Variants in LRRC7 observed in about 807,000 individuals in gnomAD.
LRRC7 encodes leucine rich repeat containing 7, also known as leucine-rich repeat-containing protein 7.
A neutral mutation model predicts 175.7 loss-of-function variants in LRRC7; 23 were observed. The observed-to-expected ratio is 0.13, with a 90% CI of 0.09 to 0.19. The LOEUF (loss-of-function observed/expected upper bound fraction) is 0.19, where lower values mean the gene tolerates loss of function less well. Ranked by LOEUF, LRRC7 falls within the 10% of genes least tolerant of loss-of-function variation. LRRC7 has a pLI of 1.00. For missense variants in LRRC7, 1,354 were observed against 1,904.7 expected (o/e 0.71, Z 5.38); for synonymous variants, 685 against 680.9 (o/e 1.01, Z -0.09).
intron 1 of LRRC7, among the ~76,000 whole-genome samples, chr1:69,620,907 C>A (rs961153763): frequency 6.6e-6 from 1 of 152,104 alleles, no homozygotes; most frequent in African/African-American, 2.4e-5. Flanking sequence ...GTTTTGTTAT[C>A]CCTGTTTCAC....
intron 2 of LRRC7, among the ~76,000 whole-genome samples, chr1:69,693,189 C>A (rs566256931): frequency 1.3e-5 from 2 of 152,200 alleles, no homozygotes; most frequent in Admixed American, 6.5e-5. Context: ...ATCTCATTGA[C>A]CCCTTTCTAT....
At chr1:70,080,336 C>T (rs770016330) in intron 24 of LRRC7, among the ~76,000 whole-genome samples, 4 of 152,158 alleles carry the variant, frequency 2.6e-5, no homozygotes, top group Non-Finnish European at 5.9e-5. Flanking sequence ...CCAAAACTGA[C>T]GACATTGAAT....
At chr1:69,615,824 C>T (rs536939108) in intron 1 of LRRC7, among the ~76,000 whole-genome samples, 2 of 152,026 alleles carry the variant, frequency 1.3e-5, no homozygotes, top group South Asian at 4.1e-4. Context: ...GTATACAGTT[C>T]ATGACGAATC....
intron 7 of LRRC7, among the ~76,000 whole-genome samples, chr1:69,876,617 C>G (rs1437036441): frequency 2.0e-5 from 3 of 152,192 alleles, no homozygotes; most frequent in Non-Finnish European, 4.4e-5. Context: ...AACCCTCACA[C>G]ACGTACAACT....
In LRRC7 at chr1:69,764,778, T is replaced by TAGAC. The variant is rs879556337; in HGVS notation, c.303+4397_303+4400dup. ...ATAGATAGATAGATAGATAGATAGATAGACAGACAGACAGATAGATAACTG... is the reference window on the plus strand; with the variant it reads ...ATAGATAGATAGATAGATAGATAGATAGACAGACAGACAGACAGATAGATAACTG... On this transcript the variant is annotated intron_variant, in intron 3 of 26. Transcript: ENST00000651989. Among the ~76,000 whole-genome samples the TAGAC allele has an allele frequency of 8.3e-3, 1,198 of 144,442 alleles. 22 individuals carry two copies. The highest frequency in any genetic ancestry group is 0.028 in the African/African-American group (1,113 of 39,336). 94.8% of individuals were successfully genotyped at this position (144,442 alleles called of 152,430 possible). A position where few individuals can be genotyped will look rare whatever the true frequency, so the allele number is the denominator to read the frequency against.
At chr1:69,982,771 C>G (rs1454617130) in intron 9 of LRRC7, among the ~76,000 whole-genome samples, 2 of 152,180 alleles carry the variant, frequency 1.3e-5, no homozygotes, top group African/African-American at 4.8e-5. Flanking sequence ...GGCTTCTACT[C>G]TTTCCATTTG....
intron 25 of LRRC7, among the ~76,000 whole-genome samples, chr1:70,096,815 G>A (rs1296098940): frequency 6.6e-6 from 1 of 152,158 alleles, no homozygotes; most frequent in African/African-American, 2.4e-5. Flanking sequence ...TCAGTTCCCT[G>A]AAGGTGTTCA....
At chr1:69,969,998 C>T (rs1652064511) in intron 8 of LRRC7, among the ~76,000 whole-genome samples, 1 of 152,092 alleles carries the variant, frequency 6.6e-6, no homozygotes, top group Admixed American at 6.6e-5. Context: ...CATGCAAATA[C>T]ATGGAAATTA....
intron 14 of LRRC7, among the ~76,000 whole-genome samples, chr1:70,018,432 A>G (rs1242528736): frequency 1.3e-5 from 2 of 152,042 alleles, no homozygotes; most frequent in Non-Finnish European, 2.9e-5. Flanking sequence ...AGTTGAAACA[A>G]TTTAACACAT....
In LRRC7 at chr1:70,129,146, C is replaced by G. The variant is rs1376365506; in HGVS notation, c.*7259C>G. Reference sequence around the variant, plus strand: ...CCTGTAATCCTAGTTACTGGGGAGGCTGAGGCAGGAGAATTGCTTCAACCC... The same window carrying G: ...CCTGTAATCCTAGTTACTGGGGAGGGTGAGGCAGGAGAATTGCTTCAACCC... On this transcript the variant is annotated 3_prime_UTR_variant, in exon 27 of 27. Transcript: ENST00000651989. 1.3e-5 allele frequency among the ~76,000 whole-genome samples: 2 copies of G among 151,534 alleles called. No individual in the cohort carries two copies. The highest frequency in any genetic ancestry group is 4.9e-5 in the African/African-American group (2 of 41,208).
At chr1:69,997,331 T>C (rs1655082835) in intron 11 of LRRC7, among the ~76,000 whole-genome samples, 1 of 151,998 alleles carries the variant, frequency 6.6e-6, no homozygotes, top group African/African-American at 2.4e-5. Context: ...AGATATACAA[T>C]CATGTCATCT....
chr1:69,573,635 T>G (rs563286508), intron 1 of LRRC7, among the ~76,000 whole-genome samples: 1 of 152,266 alleles, frequency 6.6e-6, no homozygotes, highest in South Asian at 2.1e-4. Context: ...GGAGGCATCA[T>G]ATATGCTAAT....
At chr1:69,916,244 TAAAATA>T (rs1390393610) in intron 7 of LRRC7, among the ~76,000 whole-genome samples, 1 of 130,614 alleles carries the variant, frequency 7.7e-6, no homozygotes, top group African/African-American at 2.8e-5. Context: ...ATATTTTATA[TAAAATA>T]AAAATATAAA....
chr1:69,913,737 T>C (rs2101710467), intron 7 of LRRC7, among the ~76,000 whole-genome samples: 1 of 152,230 alleles, frequency 6.6e-6, no homozygotes, highest in Non-Finnish European at 1.5e-5. Context: ...GGTCTCAAAC[T>C]CTTGACCTCA....
intron 2 of LRRC7, among the ~76,000 whole-genome samples, chr1:69,728,326 G>C (rs1667201313): frequency 1.3e-5 from 2 of 151,916 alleles, no homozygotes; most frequent in Non-Finnish European, 2.9e-5. Context: ...TTCTTGCTTT[G>C]AAAATACCAT....
chr1:69,734,509 T>C (rs192283521), intron 2 of LRRC7, among the ~76,000 whole-genome samples: 1 of 152,108 alleles, frequency 6.6e-6, no homozygotes, highest in Admixed American at 6.6e-5. Context: ...CTTATCATTA[T>C]CTACAATATC....
At chr1:69,660,293 G>A (rs1427959640) in intron 1 of LRRC7, among the ~76,000 whole-genome samples, 6 of 151,950 alleles carry the variant, frequency 3.9e-5, no homozygotes, top group Admixed American at 3.3e-4. Flanking sequence ...ATTACATAAA[G>A]CAAAAAGAAA....
Position 69,568,558 on chromosome 1 carries a change from C to A in LRRC7, c.-82C>A. 1 of 1,307,820 alleles carries A rather than the reference C, an allele frequency of 7.6e-7. No homozygotes were observed. The highest frequency in any genetic ancestry group is 1.0e-6 in the Non-Finnish European group (1 of 986,058). The allele number at this position is 1,307,820 out of a possible 1,614,324, so 81.0% of individuals were successfully genotyped here. A position where few individuals can be genotyped will look rare whatever the true frequency, so the allele number is the denominator to read the frequency against. On this transcript the variant is annotated 5_prime_UTR_variant, in exon 1 of 27. Coordinates refer to ENST00000651989, the MANE Select transcript of LRRC7 (RefSeq NM_001370785.2). ...ACCCTGGCGCCCACTCCACTGCGGA[C>A]CCCTGAACACTTAAGGAATAACCCT...
intron 4 of LRRC7, among the ~76,000 whole-genome samples, chr1:69,812,388 A>G (rs1298490434): frequency 6.6e-6 from 1 of 152,134 alleles, no homozygotes; most frequent in Non-Finnish European, 1.5e-5. Flanking sequence ...AAATGGGAAT[A>G]ATGAATCACT....
Sources: gnomAD v4.1 joint callset for allele counts (sites outside exome capture counted in the v4.1 genomes callset) on GRCh38, gnomAD v4.1.1 for gene constraint, MANE v1.5 for transcripts, NCBI Gene and HGNC (gene_info 2026-07-23, HGNC 2026-07-21) for gene names.